Variants in ATP2B2 observed in about 807,000 individuals in gnomAD.
ATP2B2 encodes the protein plasma membrane calcium-transporting ATPase 2.
Under a neutral mutation model 120.0 loss-of-function variants are expected in ATP2B2, and 15 were observed. That is an observed-to-expected ratio of 0.12 (90% CI 0.08 to 0.19). The LOEUF (loss-of-function observed/expected upper bound fraction) is 0.19, where lower values mean the gene tolerates loss of function less well. ATP2B2 is among the 10% of genes least tolerant of loss of function. The probability of loss-of-function intolerance (pLI) is 1.00; values close to 1 mark genes in which losing one functional copy is unlikely to be tolerated. For missense variants in ATP2B2, 1,045 were observed against 1,719.8 expected (o/e 0.61, Z 6.94); for synonymous variants, 694 against 700.3 (o/e 0.99, Z 0.14).
rs774467801 is a variant in ATP2B2 at position 10,410,802 on chromosome 3, G to C, written c.213C>G (p.Thr71=). 1.9e-6 allele frequency: 3 copies of C among 1,613,756 alleles called. No homozygotes were observed. Among genetic ancestry groups the C allele is most frequent in the Non-Finnish European group, 2.5e-6 (3 of 1,180,050 alleles). ...GCTTTCTCTTTTCCAGGTCTGGAGC[G>C]GTGCCCGGCAAACCTGTGGACAGAG... The part of the protein sequence containing the change: ...KTSPVEGLPG[T]APDLEKRKQI... Residue 71 remains threonine, a synonymous_variant, in exon 3 of 23, where the codon ACC becomes ACG. Coordinates refer to ENST00000360273, the MANE Select transcript of ATP2B2 (RefSeq NM_001001331.4).
intron 8 of ATP2B2, among the ~76,000 whole-genome samples, chr3:10,382,512 A>G (rs75789414): frequency 1.5e-5 from 2 of 136,376 alleles, no homozygotes; most frequent in African/African-American, 5.3e-5. Flanking sequence ...ATGACCGGCT[A>G]ATTTTTTTTT....
At chr3:10,599,465 G>A (rs1371177243) in intron 2 of ATP2B2, among the ~76,000 whole-genome samples, 4 of 152,134 alleles carry the variant, frequency 2.6e-5, no homozygotes, top group Admixed American at 6.5e-5. Flanking sequence ...TTCTCCCAGT[G>A]CACTCTAATT....
chr3:10,494,275 A>G (rs905546640), intron 1 of ATP2B2, among the ~76,000 whole-genome samples: 20 of 152,082 alleles, frequency 1.3e-4, no homozygotes, highest in African/African-American at 4.6e-4. Context: ...TTTCATAGAG[A>G]TTCCCTTGCA....
intron 2 of ATP2B2, among the ~76,000 whole-genome samples, chr3:10,416,723 C>T (rs1371544390): frequency 6.6e-6 from 1 of 151,866 alleles, no homozygotes; most frequent in Non-Finnish European, 1.5e-5. Flanking sequence ...CAAGGAGGGG[C>T]CTCTGGCTTT....
At chr3:10,576,068 C>T (rs76125211) in intron 2 of ATP2B2, among the ~76,000 whole-genome samples, 2,693 of 152,292 alleles carry the variant, frequency 0.018, 40 homozygotes, top group Middle Eastern at 0.034. Context: ...TCACACATGG[C>T]GAAGCTGGGG....
chr3:10,453,833 C>T (rs2064153065), intron 1 of ATP2B2, among the ~76,000 whole-genome samples: 1 of 152,076 alleles, frequency 6.6e-6, no homozygotes, highest in African/African-American at 2.4e-5. Flanking sequence ...AAATGATCTT[C>T]AACCATCTAT....
At chr3:10,654,045 G>A (rs780579610) in intron 1 of ATP2B2, among the ~76,000 whole-genome samples, 21 of 152,088 alleles carry the variant, frequency 1.4e-4, no homozygotes, top group Non-Finnish European at 2.5e-4. Flanking sequence ...CTTGGCTCCT[G>A]GAAATGAGTT....
chr3:10,485,220 C>A (rs1033223622), intron 1 of ATP2B2, among the ~76,000 whole-genome samples: 4 of 152,240 alleles, frequency 2.6e-5, no homozygotes, highest in African/African-American at 9.6e-5. Flanking sequence ...GTGCTAGGCA[C>A]CAAGGGTGCC....
chr3:10,364,912 G>T (rs1157827094), intron 12 of ATP2B2, among the ~76,000 whole-genome samples: 1 of 152,168 alleles, frequency 6.6e-6, no homozygotes, highest in Non-Finnish European at 1.5e-5. Flanking sequence ...CTCCCCTGAT[G>T]CCTGGAGGCC....
At chr3:10,678,129 G>A (rs747771151) in intron 1 of ATP2B2, among the ~76,000 whole-genome samples, 14 of 152,206 alleles carry the variant, frequency 9.2e-5, no homozygotes, top group South Asian at 2.1e-4. Context: ...TGTGCAAACC[G>A]TGGTTCTCAC....
chr3:10,324,882 A>C lies in ATP2B2; in HGVS notation c.*3932T>G, dbSNP rs1202115348. 1 of 152,282 alleles carries C rather than the reference A, an allele frequency of 6.6e-6. No homozygotes were observed. Among genetic ancestry groups the C allele is most frequent in the African/African-American group, 2.4e-5 (1 of 41,484 alleles). 9.4% of individuals were successfully genotyped at this position (152,282 alleles called of 1,614,324 possible). ...AATTAGAAGTGCAGACAACTGGGCC[A>C]CACATTCTTTCCCAGCTCCAGGCCT... On this transcript the variant is annotated 3_prime_UTR_variant, in exon 23 of 23. Coordinates refer to ENST00000360273, the MANE Select transcript of ATP2B2 (RefSeq NM_001001331.4).
chr3:10,492,400 C>T (rs1159133041), intron 1 of ATP2B2, among the ~76,000 whole-genome samples: 1 of 152,186 alleles, frequency 6.6e-6, no homozygotes, highest in Non-Finnish European at 1.5e-5. Flanking sequence ...CACAGTGGAG[C>T]CACAAACAAT....
chr3:10,679,316 G>A (rs1449866845), intron 1 of ATP2B2, among the ~76,000 whole-genome samples: 1 of 152,186 alleles, frequency 6.6e-6, no homozygotes, highest in Admixed American at 6.5e-5. Flanking sequence ...TACATCACAG[G>A]AATGTTTATG....
intron 1 of ATP2B2, among the ~76,000 whole-genome samples, chr3:10,460,198 C>A (rs2064430234): frequency 6.6e-6 from 1 of 152,138 alleles, no homozygotes; most frequent in Admixed American, 6.5e-5. Flanking sequence ...AACTACAGGC[C>A]CCCTCTCTCC....
chr3:10,422,398 C>A (rs930789315), intron 2 of ATP2B2, among the ~76,000 whole-genome samples: 1 of 152,168 alleles, frequency 6.6e-6, no homozygotes, highest in African/African-American at 2.4e-5. Flanking sequence ...GTGTGCATTG[C>A]AGGCATGTAT....
chr3:10,654,960 G>T (rs1348367462), intron 1 of ATP2B2, among the ~76,000 whole-genome samples: 1 of 152,060 alleles, frequency 6.6e-6, no homozygotes, highest in Non-Finnish European at 1.5e-5. Flanking sequence ...ACTATTGTAG[G>T]GGCTGTCAGC....
intron 1 of ATP2B2, among the ~76,000 whole-genome samples, chr3:10,481,848 C>T (rs1474060743): frequency 6.6e-6 from 1 of 152,228 alleles, no homozygotes; most frequent in Non-Finnish European, 1.5e-5. Context: ...GCCACCATGT[C>T]CCACCTCTGC....
At chr3:10,376,905 T>TG (rs2061396622) in intron 10 of ATP2B2, among the ~76,000 whole-genome samples, 1 of 152,182 alleles carries the variant, frequency 6.6e-6, no homozygotes, top group South Asian at 2.1e-4. Context: ...CGGGAGAGGC[T>TG]GGGAGTTCTC....
At chr3:10,489,575 C>T (rs1204981311) in intron 1 of ATP2B2, among the ~76,000 whole-genome samples, 1 of 152,182 alleles carries the variant, frequency 6.6e-6, no homozygotes. Context: ...TACTTCCCTT[C>T]TCACCATCTC....
Sources: allele counts gnomAD v4.1 joint callset (sites outside exome capture counted in the v4.1 genomes callset), GRCh38; gene constraint gnomAD v4.1.1; transcripts MANE v1.5; gene names NCBI Gene and HGNC (gene_info 2026-07-23, HGNC 2026-07-21).